PALD1: variants seen among roughly 807,000 people sequenced by gnomAD.
PALD1 encodes phosphatase domain containing paladin 1, also known as paladin.
Under a neutral mutation model 96.0 loss-of-function variants are expected in PALD1, and 57 were observed. The ratio of observed to expected loss-of-function variants is 0.59; its 90% CI spans 0.48 to 0.74. The LOEUF (loss-of-function observed/expected upper bound fraction) is 0.74. PALD1 is among the 30% of genes least tolerant of loss of function. The pLI is 0.00. For missense variants in PALD1, 1,063 were observed against 1,143.7 expected (o/e 0.93, Z 1.02); for synonymous variants, 464 against 473.6 (o/e 0.98, Z 0.26).
intron 18 of PALD1, among the ~76,000 whole-genome samples, chr10:70,558,466 A>C (rs1190147861): frequency 1.3e-5 from 2 of 152,166 alleles, no homozygotes; most frequent in Non-Finnish European, 2.9e-5. Context: ...TACTAAGTGC[A>C]CTGCGCTAGG....
At position 70,532,710 on chromosome 10, in the gene PALD1, C is replaced by A. The variant is rs145425283; in HGVS notation, c.723C>A (p.Ile241=). 1.7e-4 allele frequency: 273 copies of A among 1,614,196 alleles called. 2 individuals are homozygous for A. The African/African-American group carries it at 2.9e-3, about 17-fold the overall frequency. ...DLWGEPHAVA[I]HGEDDLHVTE... ...GGGGGGAGCCCCATGCTGTGGCCAT[C>A]CATGGTGAGGACGACTTGCATGTGA... The change falls in exon 6 of 20, where the codon ATC becomes ATA. Residue 241 remains isoleucine (I), a synonymous_variant. Transcript: ENST00000263563.
intron 17 of PALD1, among the ~76,000 whole-genome samples, chr10:70,546,264 A>ACAAAG (rs1847360619): frequency 6.6e-6 from 1 of 152,154 alleles, no homozygotes; most frequent in Admixed American, 6.5e-5. Flanking sequence ...ACAAAACAAA[A>ACAAAG]ATAAGCACCT....
intron 1 of PALD1, among the ~76,000 whole-genome samples, chr10:70,508,170 C>T (rs1025811990): frequency 6.6e-6 from 1 of 152,172 alleles, no homozygotes; most frequent in African/African-American, 2.4e-5. Context: ...CTGGCTGGGC[C>T]AGACCATTTG....
chr10:70,540,976 A>T lies in PALD1; in HGVS notation c.1909-126A>T, dbSNP rs1395027705. On this transcript the variant is annotated intron_variant, in intron 15 of 19. Coordinates refer to ENST00000263563, the MANE Select transcript of PALD1 (RefSeq NM_014431.3). This position sits in a 1 kb window ranked among gnomAD's most constrained non-coding sequence, Gnocchi z 4.2. ...CCGGTGAGTTTTGTTTGTGTGTGCA[A>T]GCTTGGGAGCCTGACAATTTCTGGC... The T allele has an allele frequency of 7.5e-6, 8 of 1,064,500 alleles. No homozygotes were observed. The Admixed American group carries it at 1.9e-4, about 26-fold the overall frequency. The allele number at this position is 1,064,500 out of a possible 1,614,324, so 65.9% of individuals were successfully genotyped here.
rs112348635 is a variant in PALD1 at position 70,495,073 on chromosome 10, C to T, written c.-30+16014C>T. Among the ~76,000 whole-genome samples the T allele has an allele frequency of 7.2e-3, 1,094 of 152,276 alleles. 15 individuals are homozygous for T. Among genetic ancestry groups the T allele is most frequent in the African/African-American group, 0.025 (1,036 of 41,542 alleles). ...GCACAAGGATTTTGCGGCAGTGAAC[C>T]GGAGACTCGCTGTCTCCTTTCAGTT... On this transcript the variant is annotated intron_variant, in intron 1 of 19. Coordinates refer to ENST00000263563, the MANE Select transcript of PALD1 (RefSeq NM_014431.3).
intron 18 of PALD1, among the ~76,000 whole-genome samples, chr10:70,561,414 G>T (rs1359718268): frequency 6.6e-6 from 1 of 152,248 alleles, no homozygotes; most frequent in Non-Finnish European, 1.5e-5. Flanking sequence ...GATGGAGCTT[G>T]GGGAAGGATA....
intron 10 of PALD1, among the ~76,000 whole-genome samples, chr10:70,536,436 C>T (rs1355852425): frequency 6.6e-6 from 1 of 152,194 alleles, no homozygotes; most frequent in Admixed American, 6.5e-5. Context: ...TGAGTTGCTC[C>T]AGTTCCCCAT....
At chr10:70,523,902 A>G (rs1056680571) in intron 1 of PALD1, among the ~76,000 whole-genome samples, 2 of 152,104 alleles carry the variant, frequency 1.3e-5, no homozygotes, top group Non-Finnish European at 2.9e-5. Flanking sequence ...GCCTGAGTGC[A>G]TGGTCCAGAG....
chr10:70,506,424 G>C (rs1589182749), intron 1 of PALD1, among the ~76,000 whole-genome samples: 1 of 152,166 alleles, frequency 6.6e-6, no homozygotes, highest in East Asian at 1.9e-4. Context: ...GAAGGCGCTG[G>C]GCCCTGGGGT....
chr10:70,477,151 C>T (rs549473310), upstream of PALD1, among the ~76,000 whole-genome samples: 1 of 152,294 alleles, frequency 6.6e-6, no homozygotes, highest in African/African-American at 2.4e-5. Context: ...GGATGGCAGG[C>T]TTCAGCTGGG....
chr10:70,478,619 T>A (rs1845867602), upstream of PALD1, among the ~76,000 whole-genome samples: 1 of 152,180 alleles, frequency 6.6e-6, no homozygotes, highest in Non-Finnish European at 1.5e-5. Flanking sequence ...CCGGGGAACG[T>A]GGCGCCCGCG....
chr10:70,469,000 C>T, the PALD1 span, among the ~76,000 whole-genome samples: 1 of 152,124 alleles, frequency 6.6e-6, no homozygotes, highest in Non-Finnish European at 1.5e-5. Flanking sequence ...ACGGTACCAT[C>T]TCTGAATCCA....
chr10:70,535,375 T>G (rs1421248596), intron 10 of PALD1, among the ~76,000 whole-genome samples: 1 of 148,990 alleles, frequency 6.7e-6, no homozygotes, highest in African/African-American at 2.5e-5. Context: ...CTCTTCCTCC[T>G]CCTCCTTCTC....
chr10:70,505,527 C>G (rs1437692182), intron 1 of PALD1, among the ~76,000 whole-genome samples: 1 of 151,020 alleles, frequency 6.6e-6, no homozygotes, highest in Non-Finnish European at 1.5e-5. Context: ...TCGCTTCAAC[C>G]CGGGAGGCGG....
chr10:70,539,199 C>T lies in PALD1; in HGVS notation c.1677C>T (p.Thr559=). ...CCGTGTTGGAGTGTGACGGGCACAC[C>T]TACAGCCTGCGGTGGCCTGGGCCCC... ...EEAVLECDGH[T]YSLRWPGPPV... is the part of the protein sequence containing the mutation. The change falls in exon 14 of 20, where the codon ACC becomes ACT. Residue 559 remains threonine (T), a synonymous_variant. Coordinates refer to ENST00000263563, the MANE Select transcript of PALD1 (RefSeq NM_014431.3). The surrounding 1 kb of genome is among the most constrained non-coding windows in gnomAD (Gnocchi z 4.5). 6.2e-7 allele frequency: 1 copy of T among 1,612,724 alleles called. No individual in the cohort carries two copies. Among genetic ancestry groups the T allele is most frequent in the Non-Finnish European group, 8.5e-7 (1 of 1,179,462 alleles).
chr10:70,495,563 G>T (rs986091517), intron 1 of PALD1, among the ~76,000 whole-genome samples: 1 of 152,166 alleles, frequency 6.6e-6, no homozygotes, highest in Non-Finnish European at 1.5e-5. Flanking sequence ...TTGGCTGGGA[G>T]GGGTGTTTGT....
chr10:70,474,686 A>C (rs369098037), upstream of PALD1, among the ~76,000 whole-genome samples: 1 of 152,350 alleles, frequency 6.6e-6, no homozygotes. Context: ...GTCTTGATAA[A>C]AAAAAGGTTT....
intron 1 of PALD1, among the ~76,000 whole-genome samples, chr10:70,517,679 C>T (rs144452320): frequency 3.9e-5 from 6 of 152,112 alleles, no homozygotes; most frequent in East Asian, 1.9e-4. Flanking sequence ...AAATGTACGC[C>T]GTTGTGTGGC....
intron 1 of PALD1, among the ~76,000 whole-genome samples, chr10:70,499,046 A>G (rs1009758005): frequency 1.3e-5 from 2 of 152,138 alleles, no homozygotes; most frequent in Non-Finnish European, 2.9e-5. Context: ...CTTTCCTTAC[A>G]TTGTCTCATG....
Sources: allele counts gnomAD v4.1 joint callset (sites outside exome capture counted in the v4.1 genomes callset), GRCh38; gene constraint gnomAD v4.1.1; non-coding constraint Gnocchi (gnomAD v3.1); transcripts MANE v1.5; gene names NCBI Gene and HGNC (gene_info 2026-07-23, HGNC 2026-07-21).